PAPSS1: variants seen among roughly 807,000 people sequenced by gnomAD.
PAPSS1 encodes 3'-phosphoadenosine 5'-phosphosulfate synthase 1.
PAPSS1 carries 50 observed loss-of-function variants against 72.0 expected under a neutral mutation model. The ratio of observed to expected loss-of-function variants is 0.69; its 90% CI spans 0.55 to 0.88. The LOEUF (loss-of-function observed/expected upper bound fraction) is 0.88. PAPSS1 is among the 40% of genes least tolerant of loss of function. The pLI, the probability that PAPSS1 is intolerant of heterozygous loss-of-function variation, is 0.00. For missense variants in PAPSS1, 657 were observed against 782.2 expected (o/e 0.84, Z 1.91); for synonymous variants, 261 against 263.6 (o/e 0.99, Z 0.09).
chr4:107,669,209 A>C (rs140177450), intron 5 of PAPSS1, among the ~76,000 whole-genome samples: 11 of 152,346 alleles, frequency 7.2e-5, no homozygotes, highest in African/African-American at 2.6e-4. Context: ...CTTTGCAATG[A>C]AGTACAGTGG....
chr4:107,653,128 TATATATGA>T (rs1726898656), intron 9 of PAPSS1, among the ~76,000 whole-genome samples: 1 of 101,722 alleles, frequency 9.8e-6, no homozygotes, highest in Non-Finnish European at 2.4e-5. Flanking sequence ...TATACATGAA[TATATATGA>T]ATATATATCT....
chr4:107,653,691 A>G, intron 8 of PAPSS1, 65 bp from the exon 9 acceptor site: 1 of 1,397,216 alleles, frequency 7.2e-7, no homozygotes, highest in African/African-American at 1.4e-5. Flanking sequence ...CATTTCTCTC[A>G]TATAAGCTAA....
Position 107,654,851 on chromosome 4 carries a change from T to G in PAPSS1, c.945A>C (p.Glu315Asp). ...SVPIVLTATH[E>D]DKERLDGCTA... ...TACAGCCGTCCAGCCTCTCTTTATC[T>G]TCATGAGTCGCAGTCAGAACTATAG... The change falls in exon 8 of 12, where the codon GAA becomes GAC. Residue 315 changes from glutamate (E) to aspartate (D), a missense_variant. This residue lies in a region of PAPSS1 where 190 missense variants were observed against 176.7 expected (regional missense o/e 1.07). Transcript: ENST00000265174. 1.2e-6 allele frequency: 2 copies of G among 1,614,048 alleles called. No homozygotes were observed. Among genetic ancestry groups the G allele is most frequent in the Non-Finnish European group, 8.5e-7 (1 of 1,179,988 alleles).
intron 1 of PAPSS1, among the ~76,000 whole-genome samples, chr4:107,703,658 TTAAATA>T (rs890868634): frequency 1.3e-5 from 2 of 152,218 alleles, no homozygotes; most frequent in African/African-American, 2.4e-5. Context: ...CAAAAATCAA[TTAAATA>T]TAAATGCATG....
In PAPSS1 at chr4:107,622,107, C is replaced by A. The variant is rs555664427; in HGVS notation, c.1737-7720G>T. ...CTTTTTCTCTGGTACTGATACTTTA[C>A]AAGAGTGGTCAAACCCCATCAGGGC... On this transcript the variant is annotated intron_variant, in intron 11 of 11. Transcript: ENST00000265174. 5.9e-5 allele frequency among the ~76,000 whole-genome samples: 9 copies of A among 152,290 alleles called. No individual in the cohort carries two copies. The East Asian group carries it at 1.5e-3, about 26-fold the overall frequency.
chr4:107,715,285 T>C (rs1325922313), intron 1 of PAPSS1, among the ~76,000 whole-genome samples: 1 of 152,230 alleles, frequency 6.6e-6, no homozygotes, highest in African/African-American at 2.4e-5. Flanking sequence ...ATTCGTCTTA[T>C]TGCTGTTATT....
chr4:107,661,500 C>A (rs1286454877), intron 5 of PAPSS1, among the ~76,000 whole-genome samples: 1 of 152,102 alleles, frequency 6.6e-6, no homozygotes, highest in Non-Finnish European at 1.5e-5. Flanking sequence ...CTATATTAGT[C>A]AACTCTAAGA....
chr4:107,646,869 C>T (rs892122287), intron 9 of PAPSS1, among the ~76,000 whole-genome samples: 2 of 152,202 alleles, frequency 1.3e-5, no homozygotes, highest in Non-Finnish European at 2.9e-5. Flanking sequence ...TCACCATTAC[C>T]TACCTCAGAG....
At chr4:107,687,418 C>T (rs1363068197) in intron 3 of PAPSS1, among the ~76,000 whole-genome samples, 1 of 152,098 alleles carries the variant, frequency 6.6e-6, no homozygotes, top group Non-Finnish European at 1.5e-5. Flanking sequence ...AGAAGGAAAA[C>T]AATGAATGTA....
At chr4:107,646,013 A>G (rs1726683508) in intron 9 of PAPSS1, among the ~76,000 whole-genome samples, 2 of 152,170 alleles carry the variant, frequency 1.3e-5, no homozygotes, top group African/African-American at 4.8e-5. Flanking sequence ...TGTAAAATCC[A>G]AGATTTACAG....
At chr4:107,651,003 A>G (rs1248967816) in intron 9 of PAPSS1, among the ~76,000 whole-genome samples, 2 of 152,334 alleles carry the variant, frequency 1.3e-5, no homozygotes, top group South Asian at 4.1e-4. Flanking sequence ...ATCATTATTA[A>G]CTTGTATCAA....
intron 10 of PAPSS1, among the ~76,000 whole-genome samples, chr4:107,636,301 A>G (rs1726380190): frequency 6.6e-6 from 1 of 152,216 alleles, no homozygotes; most frequent in Non-Finnish European, 1.5e-5. Context: ...AAAGATCAAT[A>G]TTTAAATTAA....
At chr4:107,645,134 C>T (rs1007769021) in intron 9 of PAPSS1, 64 bp from the exon 10 acceptor site, 107 of 1,284,970 alleles carry the variant, frequency 8.3e-5, no homozygotes, top group South Asian at 8.2e-4. Flanking sequence ...CCAAAGGATA[C>T]GCAATTTTTC....
intron 4 of PAPSS1, among the ~76,000 whole-genome samples, chr4:107,686,699 C>T (rs913949631): frequency 5.9e-5 from 9 of 152,230 alleles, no homozygotes; most frequent in African/African-American, 2.2e-4. Context: ...GGGATTTCCT[C>T]CATTTTCCCT....
At chr4:107,655,105 TAAA>T (rs61591737) in intron 7 of PAPSS1, among the ~76,000 whole-genome samples, 16 of 117,696 alleles carry the variant, frequency 1.4e-4, no homozygotes, top group Admixed American at 3.5e-4. Flanking sequence ...TCTCCCAAGT[TAAA>T]AAAAAAAAAA....
chr4:107,656,147 C>T (rs902575400), intron 7 of PAPSS1, among the ~76,000 whole-genome samples: 1 of 152,084 alleles, frequency 6.6e-6, no homozygotes, highest in Non-Finnish European at 1.5e-5. Context: ...GAGTCTCATC[C>T]TTTCGCCCAG....
In PAPSS1 at chr4:107,701,194, C is replaced by T. The variant is rs1451976968; in HGVS notation, c.152G>A (p.Arg51His). Residue 51 changes from arginine (R) to histidine (H), a missense_variant, in exon 2 of 12, where the codon CGT (arginine) becomes CAT (histidine). Arg to His is a conservative substitution (Grantham distance 29). Transcript: ENST00000265174. Reference protein sequence around the residue: ...GQVVGTRGGFRGCTVWLTGLS... With the variant: ...GQVVGTRGGFHGCTVWLTGLS... ...ACCTGTTAGCCAAACTGTGCAACCA[C>T]GAAAGCCACCTCTGGTCCCCACCAC... The T allele has an allele frequency of 3.7e-6, 6 of 1,613,482 alleles. No individual in the cohort carries two copies. The highest frequency in any genetic ancestry group is 5.1e-6 in the Non-Finnish European group (6 of 1,179,572).
chr4:107,718,184 A>G (rs1332240025), intron 1 of PAPSS1, among the ~76,000 whole-genome samples: 2 of 152,210 alleles, frequency 1.3e-5, no homozygotes, highest in African/African-American at 4.8e-5. Flanking sequence ...AATATGAGAG[A>G]GGAAGAGATG....
intron 7 of PAPSS1, among the ~76,000 whole-genome samples, chr4:107,655,556 T>C (rs969186703): frequency 3.3e-5 from 5 of 152,226 alleles, no homozygotes; most frequent in African/African-American, 1.2e-4. Context: ...TTGCAAGCTA[T>C]AAAAATCTTT....
Sources: allele counts gnomAD v4.1 joint callset (sites outside exome capture counted in the v4.1 genomes callset), GRCh38; gene constraint gnomAD v4.1.1; regional missense constraint gnomAD v4.1.1; transcripts MANE v1.5; gene names NCBI Gene and HGNC (gene_info 2026-07-23, HGNC 2026-07-21).